The following CRYBG2 variants were observed in gnomAD, a reference collection of about 807,000 sequenced individuals.
The protein encoded by CRYBG2 is crystallin beta-gamma domain containing 2, also known as beta/gamma crystallin domain-containing protein 2.
Under a neutral mutation model 153.4 loss-of-function variants are expected in CRYBG2, and 106 were observed. The ratio of observed to expected loss-of-function variants is 0.69; its 90% CI spans 0.59 to 0.81. CRYBG2 has a LOEUF of 0.81. Among genes scored for constraint, CRYBG2 ranks in the 30% least tolerant of loss-of-function variants. The pLI is 0.00. For missense variants in CRYBG2, 1,996 were observed against 2,112.0 expected (o/e 0.95, Z 1.08); for synonymous variants, 851 against 877.8 (o/e 0.97, Z 0.54).
intron 1 of CRYBG2, among the ~76,000 whole-genome samples, chr1:26,348,640 C>T (rs1475050141): frequency 6.6e-6 from 1 of 152,088 alleles, no homozygotes; most frequent in Non-Finnish European, 1.5e-5. Flanking sequence ...ACTGCAACCT[C>T]CTCCTCCCAG....
chr1:26,329,479 A>ATTTTTT lies in CRYBG2; in HGVS notation c.4315-612_4315-607dup, dbSNP rs34287969. Among the ~76,000 whole-genome samples, 2 of 139,572 alleles carry ATTTTTT rather than the reference A, an allele frequency of 1.4e-5. 1 individual carries two copies. The allele number at this position is 139,572 out of a possible 152,430, so 91.6% of individuals were successfully genotyped here. On this transcript the variant is annotated intron_variant, in intron 15 of 19. Coordinates refer to ENST00000308182, the MANE Select transcript of CRYBG2 (RefSeq NM_001039775.4). Reference sequence around the variant, plus strand: ...GGGTGAGCCACCATGCGCAGCTTAGATTTTTTTTTTTTTTTTTTGAGATAG... The same window carrying ATTTTTT: ...GGGTGAGCCACCATGCGCAGCTTAGATTTTTTTTTTTTTTTTTTTTTTTTGAGATAG...
Position 26,346,576 on chromosome 1 carries a change from T to G in CRYBG2, c.82A>C (p.Thr28Pro). 1 of 1,602,194 alleles carries G rather than the reference T, an allele frequency of 6.2e-7. No individual in the cohort carries two copies. Residue 28 changes from threonine to proline, a missense_variant, in exon 2 of 20, where the codon ACC becomes CCC. Transcript: ENST00000308182. The surrounding 1 kb of genome is among the most constrained non-coding windows in gnomAD (Gnocchi z 4.9). Reference sequence around the variant, plus strand: ...AAACCATGTTTGATCTCTTCCTGGGTGGGGGGCCGCTGCCGCCATGTCAAT... The same window carrying G: ...AAACCATGTTTGATCTCTTCCTGGGGGGGGGGCCGCTGCCGCCATGTCAAT... ...ATLTWRQRPP[T>P]QEEIKHGFHK...
chr1:26,351,282 C>T (rs563144149), intron 1 of CRYBG2, among the ~76,000 whole-genome samples: 29 of 152,294 alleles, frequency 1.9e-4, no homozygotes, highest in African/African-American at 5.3e-4. Flanking sequence ...TGAAGTTTGA[C>T]GCCCTCGCTG....
chr1:26,340,867 T>C (rs1264704412), intron 5 of CRYBG2, among the ~76,000 whole-genome samples: 2 of 151,920 alleles, frequency 1.3e-5, no homozygotes, highest in Non-Finnish European at 2.9e-5. Flanking sequence ...TCCACCTGCC[T>C]CAGCCTCCCA....
In CRYBG2 at chr1:26,345,297, G is replaced by A; in HGVS notation, c.1361C>T (p.Pro454Leu). ...CTCCCTCTGGGTAAAGGGGAGGACA[G>A]GGACATTTTCAGAGTTCTGAACAAA... ...NKFVQNSENV[P>L]VLPFTQREVV... Residue 454 changes from proline (P) to leucine (L), a missense_variant, in exon 2 of 20, where the codon CCT becomes CTT. By Grantham distance (98) the Pro-to-Leu change is moderately conservative. Transcript: ENST00000308182. 3 of 1,613,630 alleles carry A rather than the reference G, an allele frequency of 1.9e-6. No individual in the cohort carries two copies. The highest frequency in any genetic ancestry group is 2.5e-6 in the Non-Finnish European group (3 of 1,179,888).
chr1:26,326,839 C>A (rs1570167837), intron 17 of CRYBG2: 2 of 515,166 alleles, frequency 3.9e-6, no homozygotes, highest in South Asian at 2.8e-5. Context: ...TGTGCCCAGG[C>A]AGACTTCAAG....
In CRYBG2 at chr1:26,336,846, G is replaced by A. The variant is rs779322728; in HGVS notation, c.3906C>T (p.Ser1302=). The A allele has an allele frequency of 6.3e-7, 1 of 1,593,720 alleles. No homozygotes were observed. The highest frequency in any genetic ancestry group is 2.3e-5 in the East Asian group (1 of 43,222). ...GPSTQAIHVL[S]GVWVAYQEVG... ...CCGGAGCCCGGGTCACTTACACGCC[G>A]CTGAGCACGTGGATGGCCTGTGTGC... Residue 1302 remains serine (S), a synonymous_variant, in exon 11 of 20, where the codon AGC becomes AGT. Coordinates refer to ENST00000308182, the MANE Select transcript of CRYBG2 (RefSeq NM_001039775.4). This position sits in a 1 kb window ranked among gnomAD's most constrained non-coding sequence, Gnocchi z 4.9.
rs2074218515 is a variant in CRYBG2, at chr1:26,346,206, CG to C, written c.451del (p.Arg151GlufsTer9). ...TACACCTGGGTGGGGACTTGGCTCT[CG>C]GGGCCCAGGCAGGGGAACCAAAAGC... ...TELLVPLPGPREPSPHPGVGL... is the reference protein window; with the variant it reads ...TELLVPLPGPXEPSPHPGVGL... On this transcript the variant is annotated frameshift_variant, in exon 2 of 20. Transcript: ENST00000308182. LOFTEE classifies it high-confidence loss of function. The surrounding 1 kb of genome is among the most constrained non-coding windows in gnomAD (Gnocchi z 4.9). 2 of 1,572,464 alleles carry C rather than the reference CG, an allele frequency of 1.3e-6. No homozygotes were observed. Among genetic ancestry groups the C allele is most frequent in the African/African-American group, 1.3e-5 (1 of 74,304 alleles).
chr1:26,353,238 T>C (rs971825768), intron 1 of CRYBG2, among the ~76,000 whole-genome samples: 1 of 152,096 alleles, frequency 6.6e-6, no homozygotes, highest in African/African-American at 2.4e-5. Context: ...GTTGGGAAGA[T>C]TAAATAAAAT....
At position 26,337,165 on chromosome 1, in the gene CRYBG2, G is replaced by A. The variant is rs1570186264; in HGVS notation, c.3771+88C>T. On this transcript the variant is annotated intron_variant, in intron 10 of 19. Transcript: ENST00000308182. ...CACTTACAGGGAGAACACGGAGAGGGGGTACAAATTCTTCCCTCCACAAAC... is the reference window on the plus strand; with the variant it reads ...CACTTACAGGGAGAACACGGAGAGGAGGTACAAATTCTTCCCTCCACAAAC... 4 of 1,580,006 alleles carry A rather than the reference G, an allele frequency of 2.5e-6. No individual in the cohort carries two copies. The East Asian group carries it at 9.0e-5, about 36-fold the overall frequency.
intron 1 of CRYBG2, among the ~76,000 whole-genome samples, chr1:26,352,066 G>A (rs1291565027): frequency 1.3e-5 from 2 of 151,968 alleles, no homozygotes; most frequent in African/African-American, 4.8e-5. Context: ...GGGGAGTGTG[G>A]GAAAGAGCCT....
Position 26,343,005 on chromosome 1 carries a change from C to A in CRYBG2, c.3074+42G>T, listed in dbSNP as rs1179561474. On this transcript the variant is annotated intron_variant, in intron 4 of 19. Transcript: ENST00000308182. The surrounding 1 kb of genome is among the most constrained non-coding windows in gnomAD (Gnocchi z 4.1). ...CTCCTCACTCCCCTCTGCATCCCCC[C>A]AGGTTCACAGCCAAGTGCCTTGCTG... The A allele has an allele frequency of 4.6e-6, 7 of 1,535,310 alleles. No homozygotes were observed. The highest frequency in any genetic ancestry group is 4.0e-5 in the Admixed American group (2 of 50,456).
chr1:26,334,276 T>G (rs775455812), intron 14 of CRYBG2, among the ~76,000 whole-genome samples: 50 of 152,024 alleles, frequency 3.3e-4, no homozygotes, highest in Non-Finnish European at 5.9e-4. Flanking sequence ...AGTTAAAAAA[T>G]TAGCCGGGCG....
chr1:26,327,425 G>A (rs1051529376), intron 17 of CRYBG2, among the ~76,000 whole-genome samples: 4 of 151,888 alleles, frequency 2.6e-5, no homozygotes, highest in Non-Finnish European at 4.4e-5. Context: ...CCGAGATCAC[G>A]CCATTGCACT....
chr1:26,329,227 A>G (rs1230346843), intron 15 of CRYBG2, among the ~76,000 whole-genome samples: 2 of 132,072 alleles, frequency 1.5e-5, no homozygotes, highest in Non-Finnish European at 3.1e-5. Context: ...CCCAGGCTGC[A>G]GTACAGTGGC....
At chr1:26,339,005 A>G (rs1001864830) in intron 6 of CRYBG2, among the ~76,000 whole-genome samples, 1 of 152,142 alleles carries the variant, frequency 6.6e-6, no homozygotes, top group Admixed American at 6.5e-5. Flanking sequence ...AGCATACACA[A>G]TCTCTGCCCT....
chr1:26,326,193 A>G (rs1032560397), intron 17 of CRYBG2, among the ~76,000 whole-genome samples: 2 of 152,070 alleles, frequency 1.3e-5, no homozygotes, highest in African/African-American at 4.8e-5. Flanking sequence ...CACCCAGCCT[A>G]TAAACTCATT....
At chr1:26,342,495 G>T (rs1265398580) in intron 5 of CRYBG2, among the ~76,000 whole-genome samples, 2 of 152,150 alleles carry the variant, frequency 1.3e-5, no homozygotes, top group African/African-American at 2.4e-5. Context: ...TGCCTCCCGG[G>T]TTCAAGTAAT....
At chr1:26,348,105 C>A (rs1421075382) in intron 1 of CRYBG2, among the ~76,000 whole-genome samples, 1 of 152,208 alleles carries the variant, frequency 6.6e-6, no homozygotes, top group Non-Finnish European at 1.5e-5. Context: ...AAAATGCTCG[C>A]CTTATAACCT....
Sources: gnomAD v4.1 joint callset for allele counts (sites outside exome capture counted in the v4.1 genomes callset) on GRCh38, gnomAD v4.1.1 for gene constraint, Gnocchi (gnomAD v3.1) non-coding constraint, MANE v1.5 for transcripts, NCBI Gene and HGNC (gene_info 2026-07-23, HGNC 2026-07-21) for gene names.